HERC4: variants seen among roughly 807,000 people sequenced by gnomAD.
HERC4 encodes the protein HECT and RLD domain containing E3 ubiquitin protein ligase 4.
A neutral mutation model predicts 124.3 loss-of-function variants in HERC4; 28 were observed. The observed-to-expected ratio is 0.23, with a 90% CI of 0.17 to 0.31. The LOEUF (loss-of-function observed/expected upper bound fraction) is 0.31, where lower values mean the gene tolerates loss of function less well. HERC4 is among the 10% of genes least tolerant of loss of function. The probability of loss-of-function intolerance (pLI) is 1.00; values close to 1 mark genes in which losing one functional copy is unlikely to be tolerated. For missense variants in HERC4, 713 were observed against 1,229.3 expected (o/e 0.58, Z 6.28); for synonymous variants, 407 against 421.5 (o/e 0.97, Z 0.42).
chr10:68,066,729 A>C (rs1414561463), intron 3 of HERC4, among the ~76,000 whole-genome samples: 1 of 152,190 alleles, frequency 6.6e-6, no homozygotes, highest in Non-Finnish European at 1.5e-5. Flanking sequence ...GCAGTTAGAC[A>C]AGGGGATATA....
chr10:67,956,658 T>C (rs910167950), intron 17 of HERC4: 6 of 326,076 alleles, frequency 1.8e-5, no homozygotes, highest in Non-Finnish European at 2.8e-5. Context: ...ATTTTTAATA[T>C]ATAAAATGAT....
intron 15 of HERC4, among the ~76,000 whole-genome samples, chr10:67,976,947 C>T (rs909689258): frequency 1.3e-5 from 2 of 152,106 alleles, no homozygotes; most frequent in African/African-American, 2.4e-5. Flanking sequence ...TGCTCTGGGG[C>T]CCTCAATAAA....
Position 68,044,537 on chromosome 10 carries a change from T to G in HERC4, c.253A>C (p.Asn85His). The G allele has an allele frequency of 6.2e-7, 1 of 1,613,962 alleles. No homozygotes were observed. Residue 85 changes from asparagine to histidine, a missense_variant, in exon 4 of 25, where the codon AAT becomes CAT. Asn to His is a moderately conservative substitution (Grantham distance 68). Coordinates refer to ENST00000373700, the MANE Select transcript of HERC4 (RefSeq NM_015601.4). The part of the protein sequence containing the change: ...PEQVVALDAQ[N>H]IVAVSCGEAH... ...TCTCCACATGAAACAGCTACAATAT[T>G]TTGGGCATCCAGGGCAACAACCTGC...
chr10:67,929,722 C>G (rs1468836271), intron 23 of HERC4, among the ~76,000 whole-genome samples: 1 of 151,838 alleles, frequency 6.6e-6, no homozygotes, highest in Non-Finnish European at 1.5e-5. Flanking sequence ...ATCATGTTGT[C>G]CAGGCTGGTC....
At chr10:68,014,469 A>G (rs1168164077) in intron 8 of HERC4, among the ~76,000 whole-genome samples, 1 of 152,068 alleles carries the variant, frequency 6.6e-6, no homozygotes, top group Non-Finnish European at 1.5e-5. Context: ...ACAATAAACG[A>G]TTCAGCACCA....
At chr10:68,066,399 G>A (rs546094956) in intron 3 of HERC4, among the ~76,000 whole-genome samples, 1 of 152,284 alleles carries the variant, frequency 6.6e-6, no homozygotes, top group South Asian at 2.1e-4. Context: ...CCACACTGCT[G>A]ATCTTTTAAG....
At chr10:67,962,151 C>T (rs982608397) in intron 16 of HERC4, among the ~76,000 whole-genome samples, 1 of 151,812 alleles carries the variant, frequency 6.6e-6, no homozygotes, top group Non-Finnish European at 1.5e-5. Flanking sequence ...ATATGCACAG[C>T]CTTCATATCA....
At chr10:67,952,388 A>T (rs1324297255) in intron 19 of HERC4, among the ~76,000 whole-genome samples, 1 of 151,910 alleles carries the variant, frequency 6.6e-6, no homozygotes, top group East Asian at 2.0e-4. Flanking sequence ...GGTTCAAGCG[A>T]TTCTCCTGCC....
chr10:68,055,943 G>A (rs2040527070), intron 3 of HERC4, among the ~76,000 whole-genome samples: 5 of 151,854 alleles, frequency 3.3e-5, no homozygotes, highest in Admixed American at 2.0e-4. Context: ...GTAGAGGGGG[G>A]GTTTCACCAT....
intron 16 of HERC4, among the ~76,000 whole-genome samples, chr10:67,957,467 T>C (rs990737899): frequency 5.3e-5 from 8 of 152,206 alleles, no homozygotes; most frequent in African/African-American, 1.9e-4. Flanking sequence ...TACAAAAAAG[T>C]ACCATTAGTA....
At chr10:68,038,342 G>T in intron 4 of HERC4, 173 bp from the exon 5 acceptor site, 1 of 377,996 alleles carries the variant, frequency 2.6e-6, no homozygotes. Flanking sequence ...CAGTAAACAA[G>T]AGCTAGATAC....
chr10:67,922,703 ATGTT>A lies in HERC4; in HGVS notation c.*224_*227del, dbSNP rs924156388. On this transcript the variant is annotated 3_prime_UTR_variant, in exon 25 of 25. Coordinates refer to ENST00000373700, the MANE Select transcript of HERC4 (RefSeq NM_015601.4). Reference sequence around the variant, plus strand: ...CTTTAATGTATTCATAATACTTGCTATGTTTATTAGAAGATGGTCAAAAAAAATC... The same window carrying A: ...CTTTAATGTATTCATAATACTTGCTATATTAGAAGATGGTCAAAAAAAATC... 1.1e-4 allele frequency: 34 copies of A among 318,128 alleles called. No individual in the cohort carries two copies. The highest frequency in any genetic ancestry group is 1.8e-4 in the Non-Finnish European group (31 of 172,042). The allele number at this position is 318,128 out of a possible 1,614,324, so 19.7% of individuals were successfully genotyped here. A position where few individuals can be genotyped will look rare whatever the true frequency, so the allele number is the denominator to read the frequency against.
intron 5 of HERC4, among the ~76,000 whole-genome samples, chr10:68,036,007 A>C (rs147584976): frequency 3.0e-4 from 46 of 152,282 alleles, no homozygotes; most frequent in Middle Eastern, 3.4e-3. Flanking sequence ...CCTAGTTCAT[A>C]CTAAGGGCTC....
At chr10:67,936,271 G>C (rs2032351610) in intron 21 of HERC4, 36 bp from the exon 22 acceptor site, 2 of 1,218,084 alleles carry the variant, frequency 1.6e-6, no homozygotes, top group East Asian at 2.4e-5. Flanking sequence ...GTCAATGTCA[G>C]ACTCAAAACT....
chr10:68,037,867 A>G (rs953112827), intron 5 of HERC4, among the ~76,000 whole-genome samples: 8 of 152,120 alleles, frequency 5.3e-5, no homozygotes, highest in Non-Finnish European at 8.8e-5. Context: ...GAATTGATTT[A>G]TAGAGACAAC....
chr10:68,042,543 A>C (rs2039823956), intron 4 of HERC4, among the ~76,000 whole-genome samples: 2 of 152,192 alleles, frequency 1.3e-5, no homozygotes. Flanking sequence ...GGATGGCTTG[A>C]GCCCAGGAGG....
At chr10:68,049,605 A>T (rs921682277) in intron 3 of HERC4, among the ~76,000 whole-genome samples, 5 of 149,818 alleles carry the variant, frequency 3.3e-5, no homozygotes, top group Admixed American at 3.3e-4. Flanking sequence ...AAAAAAAAAA[A>T]AAAAAAAACA....
intron 20 of HERC4, among the ~76,000 whole-genome samples, chr10:67,940,316 A>G (rs532006408): frequency 2.0e-5 from 3 of 152,250 alleles, no homozygotes; most frequent in African/African-American, 7.2e-5. Flanking sequence ...GGTTATCAGA[A>G]GTAAAAGTCC....
rs949665624 is a variant in HERC4, at chr10:67,922,407, C to G, written c.*524G>C. ...TACCTTTTTTTTCTTTTTATAGAGT[C>G]TCAGAGTAAGATTTAAATCATAATT... On this transcript the variant is annotated 3_prime_UTR_variant, in exon 25 of 25. Transcript: ENST00000373700. The G allele has an allele frequency of 6.6e-6, 1 of 151,994 alleles. No individual in the cohort carries two copies. The highest frequency in any genetic ancestry group is 2.4e-5 in the African/African-American group (1 of 41,384). The allele number at this position is 151,994 out of a possible 1,614,324, so 9.4% of individuals were successfully genotyped here.
Sources: allele counts gnomAD v4.1 joint callset (sites outside exome capture counted in the v4.1 genomes callset), GRCh38; gene constraint gnomAD v4.1.1; transcripts MANE v1.5; gene names NCBI Gene and HGNC (gene_info 2026-07-23, HGNC 2026-07-21).